The following DOCK9 variants were observed in gnomAD, a reference collection of about 807,000 sequenced individuals.
DOCK9 encodes dedicator of cytokinesis 9.
In DOCK9, 89 loss-of-function variants were observed where a neutral mutation model predicts 263.3. The observed-to-expected ratio is 0.34, with a 90% confidence interval of 0.28 to 0.40. The LOEUF (loss-of-function observed/expected upper bound fraction) is 0.40, where lower values mean the gene tolerates loss of function less well. Among genes scored for constraint, DOCK9 ranks in the 10% least tolerant of loss-of-function variants. DOCK9 has a pLI of 1.00. For synonymous variants in DOCK9, 976 were observed against 973.1 expected, an observed-to-expected ratio of 1.00 and a Z score of -0.06; for missense variants, 2,140 against 2,603.4, an observed-to-expected ratio of 0.82 and a Z score of 3.87.
intron 2 of DOCK9, among the ~76,000 whole-genome samples, chr13:98,940,387 C>A (rs1432904073): frequency 6.6e-6 from 1 of 152,100 alleles, no homozygotes; most frequent in East Asian, 1.9e-4. Flanking sequence ...TAAAACATTA[C>A]AAGGGCTGAG....
chr13:98,822,405 T>G (rs916947486), intron 45 of DOCK9, among the ~76,000 whole-genome samples: 3 of 152,230 alleles, frequency 2.0e-5, no homozygotes, highest in Admixed American at 6.5e-5. Flanking sequence ...CTCTGCAGGA[T>G]AGGTCACTAA....
At chr13:98,809,238 T>C (rs1353646782) in intron 47 of DOCK9, 114 bp downstream of exon 47, 8 of 1,231,370 alleles carry the variant, frequency 6.5e-6, no homozygotes, top group Non-Finnish European at 9.1e-6. Context: ...AATTAGCAAT[T>C]ACAGAAAACA....
chr13:99,068,604 C>A (rs1171466655), intron 1 of DOCK9, among the ~76,000 whole-genome samples: 3 of 151,884 alleles, frequency 2.0e-5, no homozygotes, highest in Non-Finnish European at 4.4e-5. Flanking sequence ...AAACAAAAAA[C>A]CCTAATACCT....
Position 98,930,195 on chromosome 13 carries a change from C to T in DOCK9, c.306G>A (p.Glu102=), listed in dbSNP as rs1253172971. 6 of 1,611,760 alleles carry T rather than the reference C, an allele frequency of 3.7e-6. No homozygotes were observed. Among genetic ancestry groups the T allele is most frequent in the Non-Finnish European group, 5.1e-6 (6 of 1,178,930 alleles). The change falls in exon 3 of 53, where the codon GAG becomes GAA. Residue 102 remains glutamate, a synonymous_variant. Coordinates refer to ENST00000682017, the MANE Select transcript of DOCK9 (RefSeq NM_001366683.2). ...ICSTVPAKAE[E]EAQSLFVTEC... ...CTGTAACAAACAAGCTCTGTGCTTC[C>T]TCTTCCGCCTTCGCAGGCACTGTTG...
rs192477117 is a variant in DOCK9 at position 99,038,918 on chromosome 13, T to A, written c.129+47305A>T. On this transcript the variant is annotated intron_variant, in intron 1 of 32. Coordinates refer to the DOCK9 transcript ENST00000427887. Reference sequence around the variant, plus strand: ...CAAATATAAGATCTAATGGATGTCTTGGAAGCTATGCATGTTTGCTGCATG... The same window carrying A: ...CAAATATAAGATCTAATGGATGTCTAGGAAGCTATGCATGTTTGCTGCATG... 1.0e-4 allele frequency among the ~76,000 whole-genome samples: 16 copies of A among 152,394 alleles called. No individual in the cohort carries two copies. The East Asian group carries it at 3.1e-3, about 29-fold the overall frequency.
chr13:99,042,794 G>A (rs535221874), intron 1 of DOCK9, among the ~76,000 whole-genome samples: 1 of 152,292 alleles, frequency 6.6e-6, no homozygotes, highest in East Asian at 1.9e-4. Flanking sequence ...CTTCACTGCA[G>A]GTGGAGACTA....
chr13:99,015,006 C>T (rs1167410419), intron 1 of DOCK9, among the ~76,000 whole-genome samples: 1 of 152,096 alleles, frequency 6.6e-6, no homozygotes, highest in Non-Finnish European at 1.5e-5. Context: ...TAAATTTCTC[C>T]CCCCCGCATC....
chr13:99,077,007 T>C (rs557854602), intron 1 of DOCK9, among the ~76,000 whole-genome samples: 5 of 152,184 alleles, frequency 3.3e-5, no homozygotes, highest in African/African-American at 1.2e-4. Flanking sequence ...CCAGGGGTCA[T>C]GATTATTCCA....
At chr13:98,920,641 T>C (rs1466012779) in intron 7 of DOCK9, among the ~76,000 whole-genome samples, 1 of 152,222 alleles carries the variant, frequency 6.6e-6, no homozygotes, top group Non-Finnish European at 1.5e-5. Flanking sequence ...CTGCACTGAT[T>C]CATCCAATGT....
intron 32 of DOCK9, 102 bp from the exon 33 acceptor site, chr13:98,860,624 T>A (rs1225452540): frequency 9.1e-7 from 1 of 1,097,014 alleles, no homozygotes; most frequent in African/African-American, 1.6e-5. Context: ...GACAGCCTGA[T>A]GCATTCAACG....
chr13:98,965,853 T>C (rs1170593779), intron 1 of DOCK9, among the ~76,000 whole-genome samples: 1 of 152,186 alleles, frequency 6.6e-6, no homozygotes, highest in Non-Finnish European at 1.5e-5. Flanking sequence ...AAGAACAGAC[T>C]AACACCAACA....
chr13:98,829,362 T>C lies in DOCK9; in HGVS notation c.4910A>G (p.Lys1637Arg), dbSNP rs1443755037. 6.2e-7 allele frequency: 1 copy of C among 1,613,768 alleles called. No individual in the cohort carries two copies. Among genetic ancestry groups the C allele is most frequent in the Non-Finnish European group, 8.5e-7 (1 of 1,179,824 alleles). ...KSYASTPELR[K>R]TWLDSMARIH... The stretch of plus-strand genomic sequence containing the variant: ...CCTGGCCATGCTGTCGAGCCACGTC[T>C]TCCTGAGCTCGGGCGTGCTGGCATA... Residue 1637 changes from lysine (K) to arginine (R), a missense_variant, in exon 43 of 53, where the codon AAG becomes AGG. Transcript: ENST00000682017. This position sits in a 1 kb window ranked among gnomAD's most constrained non-coding sequence, Gnocchi z 4.1.
chr13:99,054,519 C>G (rs2040834971), intron 1 of DOCK9, among the ~76,000 whole-genome samples: 1 of 152,206 alleles, frequency 6.6e-6, no homozygotes, highest in Non-Finnish European at 1.5e-5. Context: ...AGTTAAGTCC[C>G]TAACTGTGAT....
At chr13:98,894,426 A>G (rs2047073521) in intron 15 of DOCK9, among the ~76,000 whole-genome samples, 2 of 152,202 alleles carry the variant, frequency 1.3e-5, no homozygotes, top group Admixed American at 1.3e-4. Context: ...TTCCATCTAG[A>G]TAGCTACTTG....
chr13:98,905,710 C>G (rs907239964), intron 9 of DOCK9, among the ~76,000 whole-genome samples: 3 of 151,842 alleles, frequency 2.0e-5, no homozygotes, highest in Non-Finnish European at 4.4e-5. Flanking sequence ...CAGCAGCCCA[C>G]AGGGCTGCTT....
At chr13:98,889,853 G>A (rs1485203468) in intron 15 of DOCK9, among the ~76,000 whole-genome samples, 1 of 152,156 alleles carries the variant, frequency 6.6e-6, no homozygotes, top group East Asian at 1.9e-4. Context: ...GTGCACAGCT[G>A]GGTGCACAGC....
At chr13:99,015,328 T>C in intron 1 of DOCK9, 1 of 844,032 alleles carries the variant, frequency 1.2e-6, no homozygotes, top group South Asian at 3.2e-5. Flanking sequence ...AATTACCCAT[T>C]TATACACACA....
intron 1 of DOCK9, among the ~76,000 whole-genome samples, chr13:99,018,318 T>G (rs1210172337): frequency 6.6e-6 from 1 of 152,212 alleles, no homozygotes; most frequent in Non-Finnish European, 1.5e-5. Context: ...TCTCTCACTC[T>G]TGCATGTTCT....
At chr13:99,031,116 T>A (rs1407221590) in intron 1 of DOCK9, among the ~76,000 whole-genome samples, 1 of 111,680 alleles carries the variant, frequency 9.0e-6, no homozygotes, top group Non-Finnish European at 2.0e-5. Context: ...GTAATTGATG[T>A]TTTTTTTAAA....
Sources: allele counts gnomAD v4.1 joint callset (sites outside exome capture counted in the v4.1 genomes callset), GRCh38; gene constraint gnomAD v4.1.1; non-coding constraint Gnocchi (gnomAD v3.1); transcripts MANE v1.5; gene names NCBI Gene and HGNC (gene_info 2026-07-23, HGNC 2026-07-21).